TLN2: variants seen among roughly 807,000 people sequenced by gnomAD.
The protein encoded by TLN2 is talin 2.
In TLN2, 118 loss-of-function variants were observed where a neutral mutation model predicts 294.7. That is an observed-to-expected ratio of 0.40 (90% CI 0.34 to 0.47). The LOEUF (loss-of-function observed/expected upper bound fraction) is 0.47, where lower values mean the gene tolerates loss of function less well. Among genes scored for constraint, TLN2 ranks in the 20% least tolerant of loss-of-function variants. The pLI, the probability that TLN2 is intolerant of heterozygous loss-of-function variation, is 0.84. For synonymous variants in TLN2, 1,431 were observed against 1,304.5 expected, an observed-to-expected ratio of 1.10 and a Z score of -2.09; for missense variants, 3,083 against 3,282.2, an observed-to-expected ratio of 0.94 and a Z score of 1.48.
intron 1 of TLN2, among the ~76,000 whole-genome samples, chr15:62,458,575 G>A (rs1268573425): frequency 2.8e-5 from 4 of 142,196 alleles, no homozygotes; most frequent in African/African-American, 1.1e-4. Flanking sequence ...GGGGCAGCCT[G>A]GGGAACATGG....
chr15:62,758,440 A>G (rs2062448797), intron 37 of TLN2: 1 of 152,164 alleles, frequency 6.6e-6, no homozygotes, highest in Non-Finnish European at 1.5e-5. Flanking sequence ...CCTAGTCTTG[A>G]ATCAGATGTG....
At chr15:62,807,339 A>T (rs2066361208) in intron 51 of TLN2, among the ~76,000 whole-genome samples, 2 of 152,200 alleles carry the variant, frequency 1.3e-5, no homozygotes, top group South Asian at 2.1e-4. Context: ...GAAAGGCGAG[A>T]GTAATTATTC....
intron 12 of TLN2, among the ~76,000 whole-genome samples, chr15:62,688,372 CTG>C (rs2057473789): frequency 1.3e-5 from 2 of 152,090 alleles, no homozygotes; most frequent in Admixed American, 1.3e-4. Flanking sequence ...AGAACATACT[CTG>C]TATGATTTCA....
chr15:62,409,032 C>T (rs936237869), intron 1 of TLN2, among the ~76,000 whole-genome samples: 1 of 151,952 alleles, frequency 6.6e-6, no homozygotes, highest in African/African-American at 2.4e-5. Flanking sequence ...GGCTGGAATG[C>T]AGTGGTGTGA....
At chr15:62,496,469 T>C (rs1382946511) in intron 1 of TLN2, among the ~76,000 whole-genome samples, 1 of 152,188 alleles carries the variant, frequency 6.6e-6, no homozygotes, top group Non-Finnish European at 1.5e-5. Flanking sequence ...GACTCAAGAC[T>C]GTCTACCTTC....
At chr15:62,617,841 G>C (rs2048434725) in intron 2 of TLN2, among the ~76,000 whole-genome samples, 3 of 152,246 alleles carry the variant, frequency 2.0e-5, no homozygotes, top group South Asian at 4.1e-4. Flanking sequence ...ATACTCTGTT[G>C]TATTTAAATT....
At chr15:62,544,933 C>T (rs1459979229) in intron 1 of TLN2, among the ~76,000 whole-genome samples, 2 of 151,654 alleles carry the variant, frequency 1.3e-5, no homozygotes, top group Non-Finnish European at 2.9e-5. Context: ...GGGATGACCT[C>T]ACTTTTTTTT....
intron 43 of TLN2, 121 bp downstream of exon 43, chr15:62,777,031 T>G (rs2063764883): frequency 1.1e-6 from 1 of 922,850 alleles, no homozygotes; most frequent in Non-Finnish European, 1.5e-6. Flanking sequence ...AAGGTTCTAG[T>G]TAATGTACAG....
intron 1 of TLN2, among the ~76,000 whole-genome samples, chr15:62,502,971 A>C (rs1288248879): frequency 6.6e-6 from 1 of 152,090 alleles, no homozygotes; most frequent in East Asian, 1.9e-4. Flanking sequence ...AGTTGACTTC[A>C]CAGTTCCGTT....
At chr15:62,626,603 G>A (rs201142317) in intron 3 of TLN2, among the ~76,000 whole-genome samples, 4,178 of 152,234 alleles carry the variant, frequency 0.027, 82 homozygotes, top group East Asian at 0.048. Context: ...GCAAGTCAGC[G>A]ACAAGGATGT....
intron 1 of TLN2, among the ~76,000 whole-genome samples, chr15:62,429,012 A>T: frequency 6.6e-6 from 1 of 151,466 alleles, no homozygotes; most frequent in Non-Finnish European, 1.5e-5. Flanking sequence ...TCTCTGGGGG[A>T]GACAGATATC....
intron 24 of TLN2, 88 bp downstream of exon 24, chr15:62,717,777 A>T: frequency 1.0e-6 from 1 of 956,456 alleles, no homozygotes; most frequent in Non-Finnish European, 1.5e-6. Flanking sequence ...TTCAGTAAAG[A>T]CAGATTATCC....
intron 48 of TLN2, among the ~76,000 whole-genome samples, chr15:62,800,053 T>C (rs1479606150): frequency 6.6e-6 from 1 of 152,222 alleles, no homozygotes; most frequent in African/African-American, 2.4e-5. Context: ...GTGTTGCCTC[T>C]CTGGTGTCCT....
At chr15:62,571,257 C>CTAT (rs936494792) in intron 1 of TLN2, among the ~76,000 whole-genome samples, 14 of 152,286 alleles carry the variant, frequency 9.2e-5, no homozygotes, top group African/African-American at 2.9e-4. Flanking sequence ...TGACAGGAGT[C>CTAT]TATTGCCCAT....
At chr15:62,407,905 AGAGT>A (rs1314406787) in intron 1 of TLN2, among the ~76,000 whole-genome samples, 1 of 151,754 alleles carries the variant, frequency 6.6e-6, no homozygotes, top group Non-Finnish European at 1.5e-5. Context: ...ACAGAGTGAG[AGAGT>A]GAGACTCTGT....
intron 1 of TLN2, among the ~76,000 whole-genome samples, chr15:62,457,806 C>G (rs1372162377): frequency 2.0e-5 from 3 of 152,142 alleles, no homozygotes; most frequent in Non-Finnish European, 4.4e-5. Context: ...GCATGAAGTC[C>G]CATTTTGCCC....
At position 62,840,724 on chromosome 15, in the gene TLN2, G is replaced by C; in HGVS notation, c.*114G>C. ...AACCGCCCACCTCCCTCCCGGGTGA[G>C]CCTGGAGCCCTGCGTGCTTGTTCTC... On this transcript the variant is annotated 3_prime_UTR_variant, in exon 59 of 59. Coordinates refer to ENST00000636159, the MANE Select transcript of TLN2 (RefSeq NM_015059.3). The C allele has an allele frequency of 7.0e-7, 1 of 1,425,404 alleles. No homozygotes were observed. Among genetic ancestry groups the C allele is most frequent in the Non-Finnish European group, 9.4e-7 (1 of 1,068,034 alleles). 88.3% of individuals were successfully genotyped at this position (1,425,404 alleles called of 1,614,324 possible). A position where few individuals can be genotyped will look rare whatever the true frequency, so the allele number is the denominator to read the frequency against.
chr15:62,835,766 C>A lies in TLN2; in HGVS notation c.7158C>A (p.Asp2386Glu), dbSNP rs139730009. 9.9e-6 allele frequency: 16 copies of A among 1,614,198 alleles called. No homozygotes were observed. The highest frequency in any genetic ancestry group is 1.4e-5 in the Non-Finnish European group (16 of 1,180,046). The change falls in exon 56 of 59, where the codon GAC becomes GAA. Residue 2386 changes from aspartate (D) to glutamate (E), a missense_variant. Transcript: ENST00000636159. ...KVGSIPANAADDGQWSQGLIS... is the reference protein window; with the variant it reads ...KVGSIPANAAEDGQWSQGLIS... ...GCTCCATCCCTGCCAATGCTGCAGA[C>A]GACGGACAGTGGTCACAGGGGCTGA...
At chr15:62,641,935 G>A (rs1025588548) in intron 3 of TLN2, among the ~76,000 whole-genome samples, 1 of 152,216 alleles carries the variant, frequency 6.6e-6, no homozygotes, top group African/African-American at 2.4e-5. Context: ...GAACTTGTTT[G>A]TCCCTGGGTG....
Sources: allele counts gnomAD v4.1 joint callset (sites outside exome capture counted in the v4.1 genomes callset), GRCh38; gene constraint gnomAD v4.1.1; transcripts MANE v1.5; gene names NCBI Gene and HGNC (gene_info 2026-07-23, HGNC 2026-07-21).